Variants in KCNIP4 observed in about 807,000 individuals in gnomAD.
KCNIP4 encodes the protein Kv channel-interacting protein 4.
A neutral mutation model predicts 34.0 loss-of-function variants in KCNIP4; 12 were observed. That is an observed-to-expected ratio of 0.35 (90% CI 0.23 to 0.57). The LOEUF (loss-of-function observed/expected upper bound fraction) is 0.57. Ranked by LOEUF, KCNIP4 falls within the 20% of genes least tolerant of loss-of-function variation. The pLI, the probability that KCNIP4 is intolerant of heterozygous loss-of-function variation, is 0.83. For synonymous variants in KCNIP4, 124 were observed against 102.2 expected (o/e 1.21, Z -1.29); for missense variants, 238 against 311.7 (o/e 0.76, Z 1.78).
intron 1 of KCNIP4, among the ~76,000 whole-genome samples, chr4:21,307,055 C>A (rs531618223): frequency 2.6e-5 from 4 of 152,224 alleles, no homozygotes; most frequent in African/African-American, 9.6e-5. Context: ...CTCCCGACAT[C>A]AGGTGATATG....
chr4:20,778,873 G>GTTTA (rs1295243227), intron 3 of KCNIP4, among the ~76,000 whole-genome samples: 7 of 152,282 alleles, frequency 4.6e-5, no homozygotes, highest in African/African-American at 1.7e-4. Flanking sequence ...GTGTGTGCAT[G>GTTTA]TAAAAGTTGT....
intron 3 of KCNIP4, among the ~76,000 whole-genome samples, chr4:20,771,964 C>T (rs909928724): frequency 2.0e-5 from 3 of 152,148 alleles, no homozygotes; most frequent in African/African-American, 7.2e-5. Context: ...GCCACTGTGC[C>T]CAGCTGAATA....
intron 1 of KCNIP4, among the ~76,000 whole-genome samples, chr4:20,967,365 T>G (rs1734464048): frequency 6.6e-6 from 1 of 152,166 alleles, no homozygotes; most frequent in South Asian, 2.1e-4. Flanking sequence ...CAAGGTAATT[T>G]GTAGATTCAA....
chr4:20,744,954 T>C (rs1006724613), intron 5 of KCNIP4, among the ~76,000 whole-genome samples: 26 of 152,130 alleles, frequency 1.7e-4, no homozygotes, highest in South Asian at 8.3e-4. Context: ...AGGAAGCACA[T>C]TTTATCCCTT....
chr4:21,305,799 A>G (rs1712401401), intron 1 of KCNIP4, among the ~76,000 whole-genome samples: 1 of 152,174 alleles, frequency 6.6e-6, no homozygotes, highest in African/African-American at 2.4e-5. Context: ...AAACCTTCTT[A>G]CACCATCTCT....
chr4:21,056,370 C>T (rs188531853), intron 1 of KCNIP4, among the ~76,000 whole-genome samples: 3 of 152,266 alleles, frequency 2.0e-5, no homozygotes, highest in Non-Finnish European at 4.4e-5. Context: ...CTACCAGTCC[C>T]AGATTATCCG....
intron 1 of KCNIP4, among the ~76,000 whole-genome samples, chr4:20,986,245 T>G (rs936117921): frequency 2.6e-5 from 4 of 152,180 alleles, no homozygotes; most frequent in African/African-American, 9.6e-5. Context: ...GTGGTTTCTT[T>G]CCCTTGAGTC....
chr4:21,250,006 A>T (rs533827658), intron 1 of KCNIP4, among the ~76,000 whole-genome samples: 16 of 152,048 alleles, frequency 1.1e-4, no homozygotes, highest in Non-Finnish European at 2.1e-4. Context: ...CAGAATGGTG[A>T]TTTCTTGATA....
At position 20,752,055 on chromosome 4, in the gene KCNIP4, G is replaced by GTTTT. The variant is rs33912651; in HGVS notation, c.359-2327_359-2324dup. ...ACAATATCAGTATGTACTTCATAGA[G>GTTTT]TTTTTTTTTTTTTTTTTTTTGAGAC... On this transcript the variant is annotated intron_variant, in intron 4 of 8. Coordinates refer to ENST00000382152, the MANE Select transcript of KCNIP4 (RefSeq NM_025221.6). 5.8e-4 allele frequency among the ~76,000 whole-genome samples: 71 copies of GTTTT among 121,646 alleles called. 1 individual carries two copies. The highest frequency in any genetic ancestry group is 1.2e-3 in the African/African-American group (39 of 31,958). 79.8% of individuals were successfully genotyped at this position (121,646 alleles called of 152,430 possible). A position where few individuals can be genotyped will look rare whatever the true frequency, so the allele number is the denominator to read the frequency against.
chr4:21,657,760 G>C (rs1184496716), intron 1 of KCNIP4, among the ~76,000 whole-genome samples: 1 of 152,078 alleles, frequency 6.6e-6, no homozygotes, highest in East Asian at 1.9e-4. Flanking sequence ...AAACTCTCTT[G>C]ACTTGTCTTT....
intron 1 of KCNIP4, among the ~76,000 whole-genome samples, chr4:21,266,357 G>C (rs1205844164): frequency 6.6e-6 from 1 of 151,952 alleles, no homozygotes; most frequent in Non-Finnish European, 1.5e-5. Flanking sequence ...CTGAGCATTT[G>C]ACTAAAGTAA....
At chr4:21,610,728 T>C (rs1315094199) in intron 1 of KCNIP4, among the ~76,000 whole-genome samples, 1 of 152,122 alleles carries the variant, frequency 6.6e-6, no homozygotes, top group African/African-American at 2.4e-5. Context: ...GGGTAATTTA[T>C]AAAAGAAAGA....
chr4:21,569,131 A>G (rs566126501), intron 1 of KCNIP4, among the ~76,000 whole-genome samples: 1 of 149,746 alleles, frequency 6.7e-6, no homozygotes, highest in Admixed American at 6.7e-5. Flanking sequence ...CTCAATTAGC[A>G]ATACTTTGTT....
intron 1 of KCNIP4, among the ~76,000 whole-genome samples, chr4:20,957,940 A>G (rs1206265697): frequency 6.6e-6 from 1 of 152,182 alleles, no homozygotes; most frequent in Non-Finnish European, 1.5e-5. Flanking sequence ...GATACAGCAA[A>G]AGACAGAAGG....
At chr4:21,078,300 G>T (rs958296115) in intron 1 of KCNIP4, among the ~76,000 whole-genome samples, 1 of 152,032 alleles carries the variant, frequency 6.6e-6, no homozygotes, top group Non-Finnish European at 1.5e-5. Context: ...ATCAGCTTGG[G>T]CTGCTATAAC....
chr4:21,028,249 A>G (rs1740718284), intron 1 of KCNIP4, among the ~76,000 whole-genome samples: 1 of 151,992 alleles, frequency 6.6e-6, no homozygotes, highest in African/African-American at 2.4e-5. Flanking sequence ...TAGCACGTCT[A>G]CTTGCTTCTA....
At chr4:20,738,993 T>A (rs1447214500) in intron 5 of KCNIP4, among the ~76,000 whole-genome samples, 1 of 152,154 alleles carries the variant, frequency 6.6e-6, no homozygotes, top group African/African-American at 2.4e-5. Context: ...CTCACTGCTA[T>A]CACAGAAGTC....
intron 1 of KCNIP4, among the ~76,000 whole-genome samples, chr4:21,643,411 G>T (rs183961611): frequency 2.8e-4 from 42 of 152,158 alleles, no homozygotes; most frequent in African/African-American, 9.9e-4. Context: ...CAAAAGTATT[G>T]CCTTGTTATT....
intron 1 of KCNIP4, among the ~76,000 whole-genome samples, chr4:21,008,680 C>T (rs1358855489): frequency 1.3e-5 from 2 of 151,702 alleles, no homozygotes; most frequent in East Asian, 1.9e-4. Context: ...CCCGCCACCA[C>T]GCCCGGCTAA....
Sources: gnomAD v4.1 joint callset for allele counts (sites outside exome capture counted in the v4.1 genomes callset) on GRCh38, gnomAD v4.1.1 for gene constraint, MANE v1.5 for transcripts, NCBI Gene and HGNC (gene_info 2026-07-23, HGNC 2026-07-21) for gene names.